The following EDIL3 variants were observed in gnomAD, a reference collection of about 807,000 sequenced individuals.
EDIL3 encodes the protein EGF-like repeat and discoidin I-like domain-containing protein 3.
In EDIL3, 37 loss-of-function variants were observed where a neutral mutation model predicts 67.4. That is an observed-to-expected ratio of 0.55 (90% CI 0.42 to 0.72). EDIL3 has a LOEUF of 0.72. Among genes scored for constraint, EDIL3 ranks in the 30% least tolerant of loss-of-function variants. EDIL3 has a pLI of 0.00. For missense variants in EDIL3, 527 were observed against 586.3 expected, an observed-to-expected ratio of 0.90 and a Z score of 1.04; for synonymous variants, 195 against 196.3, an observed-to-expected ratio of 0.99 and a Z score of 0.05.
chr5:84,092,375 A>T (rs1362713886), intron 6 of EDIL3, among the ~76,000 whole-genome samples: 1 of 152,244 alleles, frequency 6.6e-6, no homozygotes, highest in Non-Finnish European at 1.5e-5. Context: ...TAGCGAAATT[A>T]GAAAAGTTTT....
At chr5:84,340,923 A>C (rs10035691) in intron 1 of EDIL3, among the ~76,000 whole-genome samples, 150,342 of 151,816 alleles carry the variant, frequency 0.99, 74,501 homozygotes, top group Non-Finnish European at 1. Flanking sequence ...CCTCAACTCC[A>C]ATCCAAACTC....
At chr5:84,153,284 GTTA>G (rs1332420634) in intron 4 of EDIL3, among the ~76,000 whole-genome samples, 1 of 151,872 alleles carries the variant, frequency 6.6e-6, no homozygotes, top group African/African-American at 2.4e-5. Context: ...AAGTCCTATT[GTTA>G]TTATTCTTTT....
At chr5:84,018,102 C>T (rs1391616596) in intron 9 of EDIL3, among the ~76,000 whole-genome samples, 1 of 152,184 alleles carries the variant, frequency 6.6e-6, no homozygotes, top group Non-Finnish European at 1.5e-5. Context: ...TGAAGTCTGG[C>T]TACACAAATC....
intron 1 of EDIL3, among the ~76,000 whole-genome samples, chr5:84,302,587 C>T (rs1746183141): frequency 6.6e-6 from 1 of 152,182 alleles, no homozygotes; most frequent in African/African-American, 2.4e-5. Flanking sequence ...TAAGCCACTG[C>T]GTCCAGCCCC....
chr5:84,238,665 G>GTTTTTGT (rs1554037701), intron 2 of EDIL3, among the ~76,000 whole-genome samples: 1 of 101,106 alleles, frequency 9.9e-6, no homozygotes, highest in East Asian at 3.4e-4. Context: ...AAAATTAAAT[G>GTTTTTGT]TTTTTTTTTT....
chr5:83,987,869 G>GTATA (rs34360330), intron 9 of EDIL3, among the ~76,000 whole-genome samples: 11,626 of 138,206 alleles, frequency 0.084, 690 homozygotes, highest in South Asian at 0.27. Context: ...GTGTGTGTAT[G>GTATA]TATATATATA....
At chr5:84,092,186 A>G (rs1235480227) in intron 6 of EDIL3, among the ~76,000 whole-genome samples, 1 of 152,174 alleles carries the variant, frequency 6.6e-6, no homozygotes, top group Non-Finnish European at 1.5e-5. Context: ...GAGGTTCTCA[A>G]TTTTGAATTT....
At position 84,064,856 on chromosome 5, in the gene EDIL3, C is replaced by G; in HGVS notation, c.808-12G>C. On this transcript the variant is annotated splice_polypyrimidine_tract_variant and intron_variant, in intron 7 of 10. Transcript: ENST00000296591. ...TTTCCACGAAACACCTGTGTAAAAA[C>G]AGTTTAAAATTATTCACTGCAACAG... is the stretch of plus-strand genomic sequence containing the variant. 1 of 1,603,962 alleles carries G rather than the reference C, an allele frequency of 6.2e-7. No homozygotes were observed. The highest frequency in any genetic ancestry group is 1.1e-5 in the South Asian group (1 of 89,484).
At position 84,067,887 on chromosome 5, in the gene EDIL3, C is replaced by T. The variant is rs556796; in HGVS notation, c.652-1281G>A. 7.7e-3 allele frequency among the ~76,000 whole-genome samples: 1,172 copies of T among 152,202 alleles called. 6 individuals are homozygous for T. The highest frequency in any genetic ancestry group is 0.012 in the Non-Finnish European group (806 of 68,006). On this transcript the variant is annotated intron_variant, in intron 6 of 10. Transcript: ENST00000296591. ...GTGTTAAAATTCTGGGCCGATGGTC[C>T]CTTTTTTCCTTGAACAATGCTAAGT...
At chr5:84,155,289 A>C (rs1748471154) in intron 4 of EDIL3, among the ~76,000 whole-genome samples, 1 of 152,222 alleles carries the variant, frequency 6.6e-6, no homozygotes, top group South Asian at 2.1e-4. Context: ...TTAAAGGTAC[A>C]TTAATTTTTT....
At chr5:84,221,483 A>G (rs1744340999) in intron 3 of EDIL3, among the ~76,000 whole-genome samples, 1 of 152,106 alleles carries the variant, frequency 6.6e-6, no homozygotes, top group Non-Finnish European at 1.5e-5. Context: ...ACATCCATAT[A>G]ACAGGAATTT....
intron 1 of EDIL3, among the ~76,000 whole-genome samples, chr5:84,331,906 C>T (rs1348390050): frequency 1.3e-5 from 2 of 152,152 alleles, no homozygotes; most frequent in Non-Finnish European, 2.9e-5. Context: ...CAAGGAACTA[C>T]TGAATTATTC....
At chr5:84,263,961 C>A (rs1745291052) in intron 1 of EDIL3, among the ~76,000 whole-genome samples, 1 of 152,150 alleles carries the variant, frequency 6.6e-6, no homozygotes, top group Admixed American at 6.5e-5. Flanking sequence ...GAGTTCTGGC[C>A]AGGAATGATG....
At chr5:84,360,978 A>C (rs993085386) in intron 1 of EDIL3, among the ~76,000 whole-genome samples, 7 of 152,122 alleles carry the variant, frequency 4.6e-5, no homozygotes, top group African/African-American at 1.7e-4. Flanking sequence ...TCTAGACACC[A>C]TATAACATAT....
At chr5:84,061,655 G>A (rs1447455841) in intron 8 of EDIL3, among the ~76,000 whole-genome samples, 1 of 152,020 alleles carries the variant, frequency 6.6e-6, no homozygotes, top group East Asian at 1.9e-4. Flanking sequence ...GTAAGATGGT[G>A]ATAATAATAG....
intron 5 of EDIL3, among the ~76,000 whole-genome samples, chr5:84,127,177 T>C (rs1747883433): frequency 6.6e-6 from 1 of 152,084 alleles, no homozygotes; most frequent in Non-Finnish European, 1.5e-5. Context: ...TAACTATAGT[T>C]CTATCCATTT....
chr5:84,315,000 A>C (rs1046585799), intron 1 of EDIL3, among the ~76,000 whole-genome samples: 9 of 152,164 alleles, frequency 5.9e-5, no homozygotes, highest in African/African-American at 1.9e-4. Flanking sequence ...CAATACATGA[A>C]TGCTTTTCTT....
chr5:84,277,751 A>AT (rs1745610316), intron 1 of EDIL3, among the ~76,000 whole-genome samples: 1 of 152,094 alleles, frequency 6.6e-6, no homozygotes, highest in Admixed American at 6.6e-5. Context: ...TTTGTAAAAT[A>AT]TTTTTCTCAA....
chr5:84,232,966 C>A (rs939679462), intron 2 of EDIL3, among the ~76,000 whole-genome samples: 1 of 152,098 alleles, frequency 6.6e-6, no homozygotes, highest in African/African-American at 2.4e-5. Context: ...TATCATGCTA[C>A]CCAAATGATT....
Sources: allele counts gnomAD v4.1 joint callset (sites outside exome capture counted in the v4.1 genomes callset), GRCh38; gene constraint gnomAD v4.1.1; transcripts MANE v1.5; gene names NCBI Gene and HGNC (gene_info 2026-07-23, HGNC 2026-07-21).